LINS1: variants seen among roughly 807,000 people sequenced by gnomAD.
LINS1 encodes the protein protein Lines homolog 1.
In LINS1, 27 loss-of-function variants were observed where a neutral mutation model predicts 41.6. That is an observed-to-expected ratio of 0.65 (90% confidence interval 0.48 to 0.89). LINS1 has a LOEUF of 0.89. Ranked by LOEUF, LINS1 falls within the 40% of genes least tolerant of loss-of-function variation. LINS1 has a pLI of 0.00. For missense variants in LINS1, 955 were observed against 884.1 expected (o/e 1.08, Z -1.02); for synonymous variants, 336 against 312.9 (o/e 1.07, Z -0.78).
At chr15:100,594,245 T>A (rs1410246219) in intron 1 of LINS1, among the ~76,000 whole-genome samples, 1 of 152,228 alleles carries the variant, frequency 6.6e-6, no homozygotes, top group East Asian at 1.9e-4. Flanking sequence ...TTCTGAATAT[T>A]TTTTTATCTG....
intron 5 of LINS1, chr15:100,572,923 G>A (rs1210003782): frequency 1.5e-6 from 1 of 674,850 alleles, no homozygotes; most frequent in East Asian, 1.2e-4. Flanking sequence ...AAATGGGGTG[G>A]GGAAACAGAG....
Position 100,587,182 on chromosome 15 carries a change from A to AAAAAAAAAAAG in LINS1, c.-103-6238_-103-6237insCTTTTTTTTTT, listed in dbSNP as rs1555434011. Among the ~76,000 whole-genome samples, 9 of 124,448 alleles carry AAAAAAAAAAAG rather than the reference A, an allele frequency of 7.2e-5. 1 individual carries two copies. The highest frequency in any genetic ancestry group is 5.0e-5 in the Non-Finnish European group (3 of 60,358). The allele number at this position is 124,448 out of a possible 152,430, so 81.6% of individuals were successfully genotyped here. A position where few individuals can be genotyped will look rare whatever the true frequency, so the allele number is the denominator to read the frequency against. On this transcript the variant is annotated intron_variant, in intron 1 of 6. Transcript: ENST00000314742. Reference sequence around the variant, plus strand: ...TAAAAAAAAAAAAAAAAAAAAAAAAACATTAGCAGTTTGGCAATTCTTTAA... The same window carrying AAAAAAAAAAAG: ...TAAAAAAAAAAAAAAAAAAAAAAAAAAAAAAAAAAAGCATTAGCAGTTTGGCAATTCTTTAA...
Position 100,573,755 on chromosome 15 carries a change from A to G in LINS1, c.1118T>C (p.Leu373Pro). The G allele has an allele frequency of 6.2e-7, 1 of 1,614,138 alleles. No homozygotes were observed. The highest frequency in any genetic ancestry group is 2.2e-5 in the East Asian group (1 of 44,890). ...GATCACATGATCTGGACTAGTGATA[A>G]GTTCACATTCAGGTTGAACTTCATC... is the stretch of plus-strand genomic sequence containing the variant. ...GGDEVQPECE[L>P]ITSPDHVILR... Residue 373 changes from leucine (L) to proline (P), a missense_variant, in exon 5 of 7, where the codon CTT (leucine) becomes CCT (proline). Leu to Pro is a moderately conservative substitution (Grantham distance 98). Transcript: ENST00000314742.
chr15:100,572,421 T>C (rs964831973), intron 5 of LINS1: 12 of 1,105,464 alleles, frequency 1.1e-5, no homozygotes, highest in Non-Finnish European at 1.3e-5. Flanking sequence ...ATGCCAGAGC[T>C]GTCTGTCCAA....
intron 3 of LINS1, among the ~76,000 whole-genome samples, chr15:100,578,983 C>T (rs2038360189): frequency 6.6e-6 from 1 of 151,164 alleles, no homozygotes; most frequent in Admixed American, 6.6e-5. Context: ...AATGACAACA[C>T]TTGAACACAG....
intron 5 of LINS1, chr15:100,573,270 G>T (rs1040408424): frequency 1.6e-6 from 1 of 614,302 alleles, no homozygotes; most frequent in Non-Finnish European, 2.1e-6. Context: ...CCGAAGGGGG[G>T]TCAGGGCTGC....
chr15:100,599,989 C>G (rs1009798083), intron 1 of LINS1, among the ~76,000 whole-genome samples: 1 of 152,138 alleles, frequency 6.6e-6, no homozygotes, highest in African/African-American at 2.4e-5. Context: ...CTGCTTGAAC[C>G]TGGGAGGCGG....
At chr15:100,577,308 T>C (rs865815401) in intron 3 of LINS1, among the ~76,000 whole-genome samples, 1 of 152,388 alleles carries the variant, frequency 6.6e-6, no homozygotes, top group African/African-American at 2.4e-5. Context: ...CTCCTTAAGC[T>C]GATAAGCACC....
intron 1 of LINS1, among the ~76,000 whole-genome samples, chr15:100,582,733 C>G (rs1384880628): frequency 6.8e-6 from 1 of 147,790 alleles, no homozygotes; most frequent in Non-Finnish European, 1.5e-5. Flanking sequence ...TGGTCTTATA[C>G]TGGGTCTTCC....
intron 1 of LINS1, among the ~76,000 whole-genome samples, chr15:100,595,336 A>AT (rs1223088165): frequency 1.7e-4 from 9 of 54,294 alleles, no homozygotes; most frequent in Non-Finnish European, 2.2e-4. Context: ...AAAACTCAAC[A>AT]TTAAAAAAAA....
At chr15:100,600,553 A>C (rs1203505386) in intron 1 of LINS1, among the ~76,000 whole-genome samples, 5 of 112,044 alleles carry the variant, frequency 4.5e-5, no homozygotes, top group African/African-American at 1.4e-4. Context: ...CTGTTAAGCA[A>C]AAAAAAAAAA....
At chr15:100,573,375 T>C in intron 5 of LINS1, 1 of 1,248,166 alleles carries the variant, frequency 8.0e-7, no homozygotes, top group Non-Finnish European at 1.0e-6. Flanking sequence ...TGAATTGATT[T>C]CCATCACTTA....
At chr15:100,583,383 T>G (rs1164283387) in intron 1 of LINS1, among the ~76,000 whole-genome samples, 1 of 152,250 alleles carries the variant, frequency 6.6e-6, no homozygotes, top group Non-Finnish European at 1.5e-5. Context: ...AGCTGCCCTG[T>G]TTTAGTCCTT....
At chr15:100,597,250 C>G (rs2039290037) in intron 1 of LINS1, among the ~76,000 whole-genome samples, 1 of 152,048 alleles carries the variant, frequency 6.6e-6, no homozygotes, top group Non-Finnish European at 1.5e-5. Flanking sequence ...ATTATGTGAC[C>G]ACTCCAAAGG....
At chr15:100,574,921 C>A in intron 4 of LINS1, 66 bp downstream of exon 4, 1 of 1,524,464 alleles carries the variant, frequency 6.6e-7, no homozygotes, top group Non-Finnish European at 9.0e-7. Flanking sequence ...AGTTTTGTTT[C>A]TCATTATAAA....
rs748850131 is a variant in LINS1, at chr15:100,572,000, G to T, written c.1288C>A (p.Gln430Lys). 2 of 1,614,222 alleles carry T rather than the reference G, an allele frequency of 1.2e-6. No homozygotes were observed. The highest frequency in any genetic ancestry group is 2.2e-5 in the South Asian group (2 of 91,084). Residue 430 changes from glutamine (Q) to lysine (K), a missense_variant, in exon 6 of 7, where the codon CAA becomes AAA. Transcript: ENST00000314742. ...AGCCATTTGCACGGATTGTGTAATT[G>T]CAGAGAGGGCTGAAGATGAGGCTTT... ...FLKPHLQPSL[Q>K]LHNPCKWLSR...
At chr15:100,578,187 AC>A (rs1314005032) in intron 3 of LINS1, among the ~76,000 whole-genome samples, 1 of 152,158 alleles carries the variant, frequency 6.6e-6, no homozygotes, top group Non-Finnish European at 1.5e-5. Flanking sequence ...ATCTAATTAA[AC>A]TAAAGAGCTT....
chr15:100,593,188 C>G (rs2039110894), intron 1 of LINS1, among the ~76,000 whole-genome samples: 1 of 152,100 alleles, frequency 6.6e-6, no homozygotes, highest in South Asian at 2.1e-4. Context: ...CTGAGGCCAT[C>G]TATATGATAA....
Position 100,580,308 on chromosome 15 carries a change from A to G in LINS1, c.444T>C (p.Ala148=), listed in dbSNP as rs374395781. ...ATAGAAGCAATGCAAGGCACTGTGC[A>G]GCCATGTGAGATAACAATTTATCTG... ...QNSDKLLSHM[A]AQCLALLLYF... The change falls in exon 3 of 7, where the codon GCT becomes GCC. Residue 148 remains alanine (A), a synonymous_variant. Coordinates refer to ENST00000314742, the MANE Select transcript of LINS1 (RefSeq NM_001040616.3). 3.1e-6 allele frequency: 5 copies of G among 1,613,108 alleles called. No individual in the cohort carries two copies. The highest frequency in any genetic ancestry group is 4.2e-6 in the Non-Finnish European group (5 of 1,179,296).
Sources: allele counts gnomAD v4.1 joint callset (sites outside exome capture counted in the v4.1 genomes callset), GRCh38; gene constraint gnomAD v4.1.1; transcripts MANE v1.5; gene names NCBI Gene and HGNC (gene_info 2026-07-23, HGNC 2026-07-21).